The following LRMDA variants were observed in gnomAD, a reference collection of about 807,000 sequenced individuals.
LRMDA encodes leucine rich melanocyte differentiation associated.
A neutral mutation model predicts 29.8 loss-of-function variants in LRMDA; 18 were observed. That is an observed-to-expected ratio of 0.60 (90% CI 0.42 to 0.90). The LOEUF is 0.90. LRMDA is among the 40% of genes least tolerant of loss of function. LRMDA has a pLI of 0.00. For synonymous variants in LRMDA, 125 were observed against 109.4 expected, an observed-to-expected ratio of 1.14 and a Z score of -0.89; for missense variants, 273 against 273.9, an observed-to-expected ratio of 1.00 and a Z score of 0.02.
At chr10:75,991,448 T>G (rs1014468549) in intron 2 of LRMDA, among the ~76,000 whole-genome samples, 1 of 152,234 alleles carries the variant, frequency 6.6e-6, no homozygotes, top group African/African-American at 2.4e-5. Flanking sequence ...GCTAAAGGGT[T>G]TGGTTGAATC....
chr10:75,730,869 G>A lies in LRMDA; in HGVS notation c.131+292375G>A, dbSNP rs150112928. Among the ~76,000 whole-genome samples, 641 of 152,002 alleles carry A rather than the reference G, an allele frequency of 4.2e-3. 7 individuals are homozygous for A. The highest frequency in any genetic ancestry group is 0.015 in the African/African-American group (603 of 41,484). Reference sequence around the variant, plus strand: ...TTAAATATATAGGAAACTTGAGAAGGGGCATTTTTTAAGGCTAAGCCCACC... The same window carrying A: ...TTAAATATATAGGAAACTTGAGAAGAGGCATTTTTTAAGGCTAAGCCCACC... On this transcript the variant is annotated intron_variant, in intron 2 of 6. Coordinates refer to ENST00000611255, the MANE Select transcript of LRMDA (RefSeq NM_001305581.2).
At chr10:75,796,906 A>G (rs1359293776) in intron 2 of LRMDA, among the ~76,000 whole-genome samples, 2 of 152,236 alleles carry the variant, frequency 1.3e-5, no homozygotes, top group African/African-American at 4.8e-5. Context: ...GTCTATGTTC[A>G]TGATAAAAAA....
chr10:76,050,432 C>G (rs1458744712), intron 4 of LRMDA, among the ~76,000 whole-genome samples: 4 of 152,240 alleles, frequency 2.6e-5, no homozygotes, highest in Admixed American at 2.6e-4. Context: ...TGTTGAGTAG[C>G]ACCCTGGCCC....
chr10:75,566,497 A>G (rs1380822976), intron 2 of LRMDA, among the ~76,000 whole-genome samples: 4 of 152,200 alleles, frequency 2.6e-5, no homozygotes, highest in Non-Finnish European at 5.9e-5. Context: ...AAGCACTGCT[A>G]AGACTAAAAT....
intron 2 of LRMDA, among the ~76,000 whole-genome samples, chr10:75,770,989 G>C (rs575460289): frequency 1.3e-5 from 2 of 152,164 alleles, no homozygotes; most frequent in South Asian, 4.1e-4. Context: ...GTGTAGACGT[G>C]TCCGTGGGGA....
chr10:75,859,435 C>T (rs1384300143), intron 2 of LRMDA, among the ~76,000 whole-genome samples: 2 of 152,162 alleles, frequency 1.3e-5, no homozygotes, highest in Admixed American at 1.3e-4. Flanking sequence ...GTACATCTCA[C>T]TGCCATTTAC....
chr10:75,870,623 A>G (rs1845093604), intron 2 of LRMDA, among the ~76,000 whole-genome samples: 2 of 152,144 alleles, frequency 1.3e-5, no homozygotes, highest in Admixed American at 1.3e-4. Flanking sequence ...TCCTCTCTGC[A>G]GCACCTCCCA....
intron 6 of LRMDA, among the ~76,000 whole-genome samples, chr10:76,328,070 A>G (rs987111592): frequency 1.3e-5 from 2 of 152,196 alleles, no homozygotes; most frequent in African/African-American, 2.4e-5. Context: ...AGAATGGTCC[A>G]CCTGAATTCT....
intron 2 of LRMDA, among the ~76,000 whole-genome samples, chr10:75,798,575 A>C (rs1239881213): frequency 4.0e-5 from 6 of 151,750 alleles, no homozygotes; most frequent in African/African-American, 1.5e-4. Context: ...TAAGCTTTTC[A>C]TGTTTTCTAA....
At chr10:76,242,805 AC>A (rs1441918198) in intron 5 of LRMDA, among the ~76,000 whole-genome samples, 4 of 152,178 alleles carry the variant, frequency 2.6e-5, no homozygotes, top group African/African-American at 9.7e-5. Flanking sequence ...ACCATACAAC[AC>A]CGAGTTGTCC....
chr10:76,212,553 A>G (rs901316372), intron 5 of LRMDA, among the ~76,000 whole-genome samples: 2 of 152,352 alleles, frequency 1.3e-5, no homozygotes, highest in East Asian at 1.9e-4. Context: ...CCTCTTGCAA[A>G]CAAGAAAGAG....
chr10:76,085,034 G>A (rs953189878), intron 5 of LRMDA, among the ~76,000 whole-genome samples: 1 of 152,220 alleles, frequency 6.6e-6, no homozygotes, highest in Non-Finnish European at 1.5e-5. Context: ...ATGGGATTCA[G>A]AGGGCCTGGG....
At chr10:75,628,979 A>G (rs1381830563) in intron 2 of LRMDA, among the ~76,000 whole-genome samples, 1 of 152,254 alleles carries the variant, frequency 6.6e-6, no homozygotes, top group Non-Finnish European at 1.5e-5. Context: ...TCCCTCTAGT[A>G]GCATTTTTAA....
chr10:76,220,671 T>C (rs1851814888), intron 5 of LRMDA, among the ~76,000 whole-genome samples: 3 of 152,152 alleles, frequency 2.0e-5, no homozygotes, highest in African/African-American at 7.2e-5. Context: ...GATGGATTCA[T>C]AGCCGAATTC....
intron 5 of LRMDA, among the ~76,000 whole-genome samples, chr10:76,240,388 A>C (rs892327650): frequency 6.8e-6 from 1 of 147,012 alleles, no homozygotes; most frequent in Non-Finnish European, 1.5e-5. Flanking sequence ...AAGAAGGGCC[A>C]TAATAATAAA....
At chr10:75,747,545 G>A (rs1842903980) in intron 2 of LRMDA, among the ~76,000 whole-genome samples, 1 of 152,208 alleles carries the variant, frequency 6.6e-6, no homozygotes, top group African/African-American at 2.4e-5. Context: ...GATTACTTAA[G>A]TTACTGTGTT....
At chr10:76,197,892 C>T (rs1010854975) in intron 5 of LRMDA, among the ~76,000 whole-genome samples, 1 of 151,922 alleles carries the variant, frequency 6.6e-6, no homozygotes, top group African/African-American at 2.4e-5. Context: ...CACACTCCAG[C>T]CTGGGCAACA....
chr10:75,755,824 C>G (rs548058600), intron 2 of LRMDA, among the ~76,000 whole-genome samples: 27 of 152,312 alleles, frequency 1.8e-4, no homozygotes, highest in African/African-American at 6.5e-4. Context: ...CAGCGACGTG[C>G]CTGGGGCCAG....
chr10:75,494,260 T>C lies in LRMDA; in HGVS notation c.131+55766T>C, dbSNP rs1021984359. ...AGCCTGAAAATAGTGGTCTTTTACT[T>C]CTTGTCTTTAGAGATATGGTGGCTG... On this transcript the variant is annotated intron_variant, in intron 2 of 6. Coordinates refer to ENST00000611255, the MANE Select transcript of LRMDA (RefSeq NM_001305581.2). Among the ~76,000 whole-genome samples, 7 of 151,532 alleles carry C rather than the reference T, an allele frequency of 4.6e-5. No homozygotes were observed. The East Asian group carries it at 1.3e-3, about 29-fold the overall frequency.
Sources: allele counts gnomAD v4.1 joint callset (sites outside exome capture counted in the v4.1 genomes callset), GRCh38; gene constraint gnomAD v4.1.1; transcripts MANE v1.5; gene names NCBI Gene and HGNC (gene_info 2026-07-23, HGNC 2026-07-21).